Variants in STON2 observed in about 807,000 individuals in gnomAD.
The protein encoded by STON2 is stonin-2.
STON2 carries 29 observed loss-of-function variants against 65.7 expected under a neutral mutation model. The observed-to-expected ratio is 0.44, with a 90% CI of 0.33 to 0.60. The LOEUF (loss-of-function observed/expected upper bound fraction) is 0.60, where lower values mean the gene tolerates loss of function less well. Among genes scored for constraint, STON2 ranks in the 20% least tolerant of loss-of-function variants. The probability of loss-of-function intolerance (pLI) is 0.03; values close to 1 mark genes in which losing one functional copy is unlikely to be tolerated. For synonymous variants in STON2, 404 were observed against 414.2 expected, an observed-to-expected ratio of 0.98 and a Z score of 0.30; for missense variants, 1,054 against 1,118.1, an observed-to-expected ratio of 0.94 and a Z score of 0.82.
chr14:81,365,483 C>T (rs937188332), intron 4 of STON2, among the ~76,000 whole-genome samples: 4 of 152,222 alleles, frequency 2.6e-5, no homozygotes, highest in Admixed American at 6.5e-5. Context: ...TGGACAGGTG[C>T]AGTGGCTCAT....
At chr14:81,292,499 TGTTCTCATGATTGTGA>T (rs1193201050) in intron 5 of STON2, among the ~76,000 whole-genome samples, 1 of 152,220 alleles carries the variant, frequency 6.6e-6, no homozygotes, top group Non-Finnish European at 1.5e-5. Flanking sequence ...ACCCCTGTGC[TGTTCTCATGATTGTGA>T]GTTCTCATGA....
chr14:81,391,970 C>T (rs1239686820), intron 3 of STON2, among the ~76,000 whole-genome samples: 3 of 152,162 alleles, frequency 2.0e-5, no homozygotes, highest in Admixed American at 1.3e-4. Flanking sequence ...TTGATTTATT[C>T]TCTAGTAATA....
intron 3 of STON2, among the ~76,000 whole-genome samples, chr14:81,382,862 A>T (rs1435107063): frequency 1.3e-5 from 2 of 152,222 alleles, no homozygotes; most frequent in African/African-American, 4.8e-5. Flanking sequence ...GGAAGAGTGC[A>T]TTTGGGAGAA....
intron 4 of STON2, among the ~76,000 whole-genome samples, chr14:81,341,532 T>C (rs1378159420): frequency 1.3e-5 from 2 of 149,822 alleles, no homozygotes. Context: ...CCAAGACTGA[T>C]GTATTACTAA....
At chr14:81,433,926 T>C (rs1308309657) in intron 1 of STON2, among the ~76,000 whole-genome samples, 1 of 152,214 alleles carries the variant, frequency 6.6e-6, no homozygotes, top group Non-Finnish European at 1.5e-5. Flanking sequence ...TCTCTCAGTC[T>C]GGAATGTCTT....
intron 5 of STON2, among the ~76,000 whole-genome samples, chr14:81,313,945 CAAGG>C (rs1184182030): frequency 6.6e-6 from 1 of 152,054 alleles, no homozygotes; most frequent in Non-Finnish European, 1.5e-5. Context: ...GCCTGAGGTT[CAAGG>C]AAGGCTTCCC....
At chr14:81,291,902 CG>C (rs911937567) in intron 5 of STON2, among the ~76,000 whole-genome samples, 7 of 145,094 alleles carry the variant, frequency 4.8e-5, no homozygotes, top group African/African-American at 1.8e-4. Flanking sequence ...CACACACACA[CG>C]GATATCACCT....
intron 5 of STON2, among the ~76,000 whole-genome samples, chr14:81,302,973 A>C (rs1032877598): frequency 2.0e-5 from 3 of 152,160 alleles, no homozygotes; most frequent in African/African-American, 7.2e-5. Context: ...AAGTAGAAAA[A>C]TATTTGCTGA....
chr14:81,393,505 G>C (rs1001250691), intron 3 of STON2, among the ~76,000 whole-genome samples: 1 of 152,210 alleles, frequency 6.6e-6, no homozygotes, highest in East Asian at 1.9e-4. Context: ...TCAGCCTGGT[G>C]CGGAAGCTCT....
intron 5 of STON2, among the ~76,000 whole-genome samples, chr14:81,283,965 A>C (rs1288492293): frequency 6.6e-6 from 1 of 152,154 alleles, no homozygotes; most frequent in African/African-American, 2.4e-5. Context: ...TTTCACTATA[A>C]TTATATCTGT....
chr14:81,298,316 C>G (rs995337494), intron 5 of STON2, among the ~76,000 whole-genome samples: 1 of 151,922 alleles, frequency 6.6e-6, no homozygotes, highest in African/African-American at 2.4e-5. Flanking sequence ...AACAGTCTAT[C>G]TCCAATCCCT....
chr14:81,292,844 T>C (rs1288933011), intron 5 of STON2, among the ~76,000 whole-genome samples: 2 of 152,156 alleles, frequency 1.3e-5, no homozygotes, highest in East Asian at 1.9e-4. Context: ...CTTAATAAAT[T>C]CTTAAACCAA....
chr14:81,411,774 C>G (rs1445034308), intron 2 of STON2, among the ~76,000 whole-genome samples: 1 of 152,124 alleles, frequency 6.6e-6, no homozygotes, highest in Non-Finnish European at 1.5e-5. Flanking sequence ...GATATAGACC[C>G]TGCCTTCAAG....
chr14:81,430,845 T>C (rs927308693), intron 1 of STON2, among the ~76,000 whole-genome samples: 2 of 152,210 alleles, frequency 1.3e-5, no homozygotes, highest in African/African-American at 4.8e-5. Context: ...GTAAATGTTA[T>C]CCAGTGGGGA....
intron 4 of STON2, among the ~76,000 whole-genome samples, chr14:81,370,507 T>C (rs970181624): frequency 6.6e-6 from 1 of 152,220 alleles, no homozygotes; most frequent in Non-Finnish European, 1.5e-5. Context: ...AATAAACACT[T>C]AACTGCCAAA....
chr14:81,277,383 T>C lies in STON2; in HGVS notation c.2099A>G (p.His700Arg). The change falls in exon 6 of 8, where the codon CAT becomes CGT. Residue 700 changes from histidine to arginine, a missense_variant. Physicochemically the swap from His to Arg is conservative, Grantham distance 29. Transcript: ENST00000614646. ...CACACACCCATGGAAACGGCACTCA[T>C]GGAGCTTGATCCACTTTGTGGTGGT... ...PTTTTKWIKL[H>R]ECRFHGCVDE... The C allele has an allele frequency of 1.2e-6, 2 of 1,614,158 alleles. No homozygotes were observed. Among genetic ancestry groups the C allele is most frequent in the African/African-American group, 1.3e-5 (1 of 75,062 alleles).
upstream of STON2, among the ~76,000 whole-genome samples, chr14:81,401,608 C>G (rs1330163675): frequency 6.6e-6 from 1 of 152,102 alleles, no homozygotes; most frequent in African/African-American, 2.4e-5. Flanking sequence ...AAAACCTCAC[C>G]CCATTTTTAG....
At chr14:81,273,972 A>G (rs1894704793) in intron 6 of STON2, among the ~76,000 whole-genome samples, 1 of 152,216 alleles carries the variant, frequency 6.6e-6, no homozygotes, top group South Asian at 2.1e-4. Context: ...CTGAACACCT[A>G]GACAGCAGAG....
At position 81,264,590 on chromosome 14, in the gene STON2, G is replaced by A. The variant is rs1894283862; in HGVS notation, c.*3824C>T. The A allele has an allele frequency of 1.0e-6, 1 of 984,820 alleles. No individual in the cohort carries two copies. Among genetic ancestry groups the A allele is most frequent in the Non-Finnish European group, 1.2e-6 (1 of 829,548 alleles). The allele number at this position is 984,820 out of a possible 1,614,324, so 61.0% of individuals were successfully genotyped here. A position where few individuals can be genotyped will look rare whatever the true frequency, so the allele number is the denominator to read the frequency against. ...TGGATCCCATTTATCAGAAACATAA[G>A]TTTCTAGGGAAATAAACTCTTACTC... On this transcript the variant is annotated 3_prime_UTR_variant, in exon 8 of 8. Transcript: ENST00000614646.
Sources: allele counts gnomAD v4.1 joint callset (sites outside exome capture counted in the v4.1 genomes callset), GRCh38; gene constraint gnomAD v4.1.1; transcripts MANE v1.5; gene names NCBI Gene and HGNC (gene_info 2026-07-23, HGNC 2026-07-21).